Variants in ADCY5 observed in about 807,000 individuals in gnomAD.
The protein encoded by ADCY5 is adenylate cyclase 5.
Under a neutral mutation model 119.7 loss-of-function variants are expected in ADCY5, and 30 were observed. The ratio of observed to expected loss-of-function variants is 0.25; its 90% CI spans 0.19 to 0.34. ADCY5 has a LOEUF of 0.34. ADCY5 is among the 10% of genes least tolerant of loss of function. ADCY5 has a pLI of 1.00. For synonymous variants in ADCY5, 753 were observed against 762.2 expected (o/e 0.99, Z 0.20); for missense variants, 1,324 against 1,775.2 (o/e 0.75, Z 4.57).
chr3:123,421,971 T>C (rs1945312398), intron 1 of ADCY5, among the ~76,000 whole-genome samples: 1 of 152,174 alleles, frequency 6.6e-6, no homozygotes, highest in African/African-American at 2.4e-5. Context: ...TGTGTGCATG[T>C]TGGTGTGCTG....
chr3:123,289,388 G>T (rs891586245), intron 19 of ADCY5, among the ~76,000 whole-genome samples: 4 of 152,206 alleles, frequency 2.6e-5, no homozygotes, highest in African/African-American at 9.7e-5. Context: ...CCACCAGAAG[G>T]CCCCATGCCC....
rs559711359 is a variant in ADCY5, at chr3:123,449,071, G to C, written c.-526C>G. ...GAGACACTGCGGGTGCGCTTTCCTCGCAGCGGACTGGGAGCGACTGGGAGG... is the reference window on the plus strand; with the variant it reads ...GAGACACTGCGGGTGCGCTTTCCTCCCAGCGGACTGGGAGCGACTGGGAGG... On this transcript the variant is annotated 5_prime_UTR_variant, in exon 1 of 21. Coordinates refer to ENST00000462833, the MANE Select transcript of ADCY5 (RefSeq NM_183357.3). 6.6e-6 allele frequency: 1 copy of C among 152,428 alleles called. No individual in the cohort carries two copies. The highest frequency in any genetic ancestry group is 1.5e-5 in the Non-Finnish European group (1 of 68,302). The allele number at this position is 152,428 out of a possible 1,614,324, so 9.4% of individuals were successfully genotyped here. A position where few individuals can be genotyped will look rare whatever the true frequency, so the allele number is the denominator to read the frequency against.
chr3:123,315,657 T>C (rs1194938404), intron 11 of ADCY5, among the ~76,000 whole-genome samples: 2 of 151,828 alleles, frequency 1.3e-5, no homozygotes, highest in African/African-American at 4.8e-5. Context: ...CTCACTGCAA[T>C]CTCTGCCTCC....
At chr3:123,400,685 G>A (rs1277631663) in intron 1 of ADCY5, among the ~76,000 whole-genome samples, 10 of 152,254 alleles carry the variant, frequency 6.6e-5, no homozygotes, top group Middle Eastern at 3.4e-3. Context: ...GGTGGCTCAC[G>A]CCTGTAATCC....
At chr3:123,444,493 A>G (rs1325685660) in intron 1 of ADCY5, among the ~76,000 whole-genome samples, 1 of 152,150 alleles carries the variant, frequency 6.6e-6, no homozygotes, top group African/African-American at 2.4e-5. Context: ...AACACTATGG[A>G]CAGAGCCAGA....
chr3:123,441,871 G>A (rs950265428), intron 1 of ADCY5, among the ~76,000 whole-genome samples: 9 of 151,808 alleles, frequency 5.9e-5, no homozygotes, highest in Admixed American at 3.9e-4. Flanking sequence ...CCCAAAATGC[G>A]GGCTCACATT....
chr3:123,294,876 A>G (rs903804474), intron 17 of ADCY5, among the ~76,000 whole-genome samples: 2 of 152,176 alleles, frequency 1.3e-5, no homozygotes, highest in African/African-American at 4.8e-5. Flanking sequence ...GCGGTGGGTG[A>G]TAGAGCAAAT....
chr3:123,416,469 G>A lies in ADCY5; in HGVS notation c.1134+30943C>T, dbSNP rs1001269465. 1.4e-5 allele frequency: 11 copies of A among 786,826 alleles called. No homozygotes were observed. In the Admixed American group the frequency reaches 2.1e-4, roughly 15 times the overall value. The allele number at this position is 786,826 out of a possible 1,614,324, so 48.7% of individuals were successfully genotyped here. On this transcript the variant is annotated intron_variant, in intron 1 of 20. Coordinates refer to ENST00000462833, the MANE Select transcript of ADCY5 (RefSeq NM_183357.3). The stretch of plus-strand genomic sequence containing the variant: ...CTAGAAAGGAGGGAGGAGGCTCTAA[G>A]GCACTGAAGGACGCAGAACAAGTCT...
At chr3:123,289,064 A>G (rs190930455) in intron 19 of ADCY5, among the ~76,000 whole-genome samples, 325 of 152,356 alleles carry the variant, frequency 2.1e-3, no homozygotes, top group African/African-American at 6.7e-3. Context: ...AAGAGTAAAA[A>G]GTAACTCTTT....
At chr3:123,395,996 A>AAGAAAGAAAG (rs1944535384) in intron 1 of ADCY5, among the ~76,000 whole-genome samples, 4 of 68,348 alleles carry the variant, frequency 5.9e-5, no homozygotes, top group Admixed American at 2.0e-4. Flanking sequence ...AAGAAACAGA[A>AAGAAAGAAAG]AGAAAGAAAG....
chr3:123,332,199 T>G (rs1198647469), intron 4 of ADCY5, among the ~76,000 whole-genome samples: 1 of 152,220 alleles, frequency 6.6e-6, no homozygotes, highest in Non-Finnish European at 1.5e-5. Flanking sequence ...ATCAGGAATG[T>G]AGCTTGATGG....
At position 123,352,406 on chromosome 3, in the gene ADCY5, T is replaced by C. The variant is rs55942634; in HGVS notation, c.1284+26A>G. On this transcript the variant is annotated intron_variant, in intron 2 of 20. Transcript: ENST00000462833. The surrounding 1 kb of genome is among the most constrained non-coding windows in gnomAD (Gnocchi z 4.8). Reference sequence around the variant, plus strand: ...ATCTCAGGGCTCGACTCCGTCCCACTGTGCAAGGGCAGGGGCCTCACTCAC... The same window carrying C: ...ATCTCAGGGCTCGACTCCGTCCCACCGTGCAAGGGCAGGGGCCTCACTCAC... 3.7e-5 allele frequency: 59 copies of C among 1,599,146 alleles called. No homozygotes were observed. The highest frequency in any genetic ancestry group is 8.4e-5 in the Admixed American group (5 of 59,606).
At chr3:123,312,207 G>A (rs531710175) in intron 12 of ADCY5, among the ~76,000 whole-genome samples, 27 of 152,274 alleles carry the variant, frequency 1.8e-4, no homozygotes, top group African/African-American at 6.3e-4. Flanking sequence ...CTTAAAAAAT[G>A]GCAGACTATG....
intron 3 of ADCY5, among the ~76,000 whole-genome samples, chr3:123,346,498 A>C (rs1230578310): frequency 6.6e-6 from 1 of 152,194 alleles, no homozygotes; most frequent in Non-Finnish European, 1.5e-5. Flanking sequence ...GAAGACATGC[A>C]GTCAGGATCC....
rs776480737 is a variant in ADCY5, at chr3:123,448,343, C to A, written c.203G>T (p.Arg68Leu). The stretch of plus-strand genomic sequence containing the variant: ...GTCGCTGCGCCAGCGGCTGGCCAGG[C>A]GCTGCTGCTGCTGCGGGGTCACCGC... ...GGAVTPQQQQ[R>L]LASRWRSDDD... Residue 68 changes from arginine (R) to leucine (L), a missense_variant, in exon 1 of 21, where the codon CGC becomes CTC. Physicochemically the swap from Arg to Leu is moderately radical, Grantham distance 102 (BLOSUM62 -2). Transcript: ENST00000462833. The A allele has an allele frequency of 1.3e-6, 2 of 1,525,252 alleles. No homozygotes were observed. Among genetic ancestry groups the A allele is most frequent in the East Asian group, 5.5e-5 (2 of 36,576 alleles). The allele number at this position is 1,525,252 out of a possible 1,614,324, so 94.5% of individuals were successfully genotyped here.
At position 123,359,833 on chromosome 3, in the gene ADCY5, T is replaced by C. The variant is rs1294597272; in HGVS notation, c.1135-7252A>G. 2.0e-5 allele frequency among the ~76,000 whole-genome samples: 3 copies of C among 152,114 alleles called. No homozygotes were observed. The East Asian group carries it at 5.8e-4, about 29-fold the overall frequency. ...CAAACACATAAAACTAACAACGAAA[T>C]GAGTCCCAAATAAAAGAAGCTGACA... On this transcript the variant is annotated intron_variant, in intron 1 of 20. Coordinates refer to ENST00000462833, the MANE Select transcript of ADCY5 (RefSeq NM_183357.3).
At chr3:123,431,434 G>T (rs1945520478) in intron 1 of ADCY5, among the ~76,000 whole-genome samples, 3 of 75,024 alleles carry the variant, frequency 4.0e-5, no homozygotes, top group African/African-American at 1.6e-4. Flanking sequence ...AACAGAGCAA[G>T]CCTCTCTCAA....
chr3:123,318,110 T>C lies in ADCY5; in HGVS notation c.2264A>G (p.Lys755Arg), dbSNP rs1941022244. The C allele has an allele frequency of 6.2e-7, 1 of 1,613,082 alleles. No individual in the cohort carries two copies. The highest frequency in any genetic ancestry group is 1.1e-5 in the South Asian group (1 of 91,036). ...REPDLEKKYSKQVDDRFGAYV... is the reference protein window; with the variant it reads ...REPDLEKKYSRQVDDRFGAYV... ...GGCACCAAATCGGTCGTCTACCTGCTTGGAGTACTGAGAGGAGACGGGCAG... is the reference window on the plus strand; with the variant it reads ...GGCACCAAATCGGTCGTCTACCTGCCTGGAGTACTGAGAGGAGACGGGCAG... The change falls in exon 11 of 21, where the codon AAG becomes AGG. Residue 755 changes from lysine (K) to arginine (R), a missense_variant. Physicochemically the swap from Lys to Arg is conservative, Grantham distance 26. Transcript: ENST00000462833.
intron 1 of ADCY5, among the ~76,000 whole-genome samples, chr3:123,384,631 T>C (rs373655131): frequency 2.6e-5 from 4 of 152,124 alleles, no homozygotes; most frequent in Admixed American, 1.3e-4. Context: ...ACCATCTAAA[T>C]TTCACTACGC....
Sources: allele counts gnomAD v4.1 joint callset (sites outside exome capture counted in the v4.1 genomes callset), GRCh38; gene constraint gnomAD v4.1.1; non-coding constraint Gnocchi (gnomAD v3.1); transcripts MANE v1.5; gene names NCBI Gene and HGNC (gene_info 2026-07-23, HGNC 2026-07-21).